TRPM2: variants seen among roughly 807,000 people sequenced by gnomAD.
TRPM2 encodes estrogen-responsive element-associated gene 1 protein.
A neutral mutation model predicts 174.0 loss-of-function variants in TRPM2; 161 were observed. The ratio of observed to expected loss-of-function variants is 0.93; its 90% CI spans 0.81 to 1.05. TRPM2 has a LOEUF of 1.05. Among genes scored for constraint, TRPM2 ranks in the 50% least tolerant of loss-of-function variants. The probability of loss-of-function intolerance (pLI) is 0.00; values close to 1 mark genes in which losing one functional copy is unlikely to be tolerated. For synonymous variants in TRPM2, 954 were observed against 861.3 expected (o/e 1.11, Z -1.88); for missense variants, 2,057 against 2,038.0 (o/e 1.01, Z -0.18).
upstream of TRPM2, among the ~76,000 whole-genome samples, chr21:44,351,920 G>A (rs2122998580): frequency 5.3e-5 from 8 of 152,336 alleles, no homozygotes; most frequent in African/African-American, 1.9e-4. Flanking sequence ...ATGAGCGTGT[G>A]AACAGAACAT....
intron 16 of TRPM2, among the ~76,000 whole-genome samples, chr21:44,404,398 CACAT>C (rs747867584): frequency 4.5e-4 from 68 of 152,086 alleles, no homozygotes; most frequent in Non-Finnish European, 5.3e-4. Context: ...CATATGTGCA[CACAT>C]ACATATTCAC....
In TRPM2 at chr21:44,399,846, C is replaced by T. The variant is rs1019201338; in HGVS notation, c.2208+405C>T. ...GCCCTCAGCATCGCCCTGGAACCCC[C>T]GGCAGGGCCTGGCTCCCAGCGAGTG... On this transcript the variant is annotated intron_variant, in intron 14 of 31. Coordinates refer to ENST00000397928, the MANE Select transcript of TRPM2 (RefSeq NM_003307.4). This position sits in a 1 kb window ranked among gnomAD's most constrained non-coding sequence, Gnocchi z 4.6. 3.9e-5 allele frequency among the ~76,000 whole-genome samples: 6 copies of T among 152,178 alleles called. No individual in the cohort carries two copies. The highest frequency in any genetic ancestry group is 7.2e-5 in the African/African-American group (3 of 41,454).
intron 5 of TRPM2, among the ~76,000 whole-genome samples, chr21:44,373,576 A>G (rs2048605158): frequency 1.9e-5 from 2 of 106,614 alleles, no homozygotes; most frequent in South Asian, 5.9e-4. Context: ...TGCGACCTGC[A>G]TTATATGCGA....
rs2051373516 is a variant in TRPM2 at position 44,438,756 on chromosome 21, G to A, written c.4168-311G>A. Reference sequence around the variant, plus strand: ...ACGCGGGGGCAGGCGCCAGGGGAGCGGGAAGGGGGTGCCCTGTCACCCTTG... The same window carrying A: ...ACGCGGGGGCAGGCGCCAGGGGAGCAGGAAGGGGGTGCCCTGTCACCCTTG... On this transcript the variant is annotated intron_variant, in intron 29 of 31. Coordinates refer to ENST00000397928, the MANE Select transcript of TRPM2 (RefSeq NM_003307.4). This position sits in a 1 kb window ranked among gnomAD's most constrained non-coding sequence, Gnocchi z 5.9. 6.6e-6 allele frequency among the ~76,000 whole-genome samples: 1 copy of A among 152,142 alleles called. No individual in the cohort carries two copies.
intron 16 of TRPM2, among the ~76,000 whole-genome samples, chr21:44,403,808 CAT>C (rs1479522783): frequency 4.0e-5 from 6 of 151,146 alleles, no homozygotes; most frequent in East Asian, 1.9e-4. Flanking sequence ...CAGATAAACA[CAT>C]GTATACACAT....
At chr21:44,418,596 G>A (rs905204612) in intron 22 of TRPM2, 41 bp downstream of exon 22, 2 of 1,610,718 alleles carry the variant, frequency 1.2e-6, no homozygotes, top group African/African-American at 1.3e-5. Flanking sequence ...GAAGCCTCTG[G>A]GGGACCTCCT....
intron 19 of TRPM2, among the ~76,000 whole-genome samples, chr21:44,413,135 G>T (rs1287663410): frequency 6.6e-6 from 1 of 150,844 alleles, no homozygotes; most frequent in Non-Finnish European, 1.5e-5. Context: ...CGTTTCACTT[G>T]TCGATACATT....
In TRPM2 at chr21:44,391,283, G is replaced by A; in HGVS notation, c.1452G>A (p.Leu484=). The A allele has an allele frequency of 6.2e-7, 1 of 1,613,462 alleles. No individual in the cohort carries two copies. Among genetic ancestry groups the A allele is most frequent in the African/African-American group, 1.3e-5 (1 of 75,046 alleles). The change falls in exon 11 of 32, where the codon CTG becomes CTA. Residue 484 remains leucine, a synonymous_variant. Coordinates refer to ENST00000397928, the MANE Select transcript of TRPM2 (RefSeq NM_003307.4). This position sits in a 1 kb window ranked among gnomAD's most constrained non-coding sequence, Gnocchi z 5.0. ...MDEWQWKPSD[L]HPTMTAALIS... is the part of the protein sequence containing the mutation. ...ATGCTTGCTCTCAGCCTTCAGATCT[G>A]CACCCCACGATGACAGCTGCACTCA...
intron 9 of TRPM2, among the ~76,000 whole-genome samples, chr21:44,385,857 T>G (rs950810511): frequency 6.6e-6 from 1 of 152,114 alleles, no homozygotes; most frequent in African/African-American, 2.4e-5. Context: ...TCATGAGAAC[T>G]TACTACCATG....
rs2048007437 is a variant in TRPM2, at chr21:44,354,741, G to A, written c.254+5G>A. The A allele has an allele frequency of 1.2e-6, 2 of 1,614,022 alleles. No individual in the cohort carries two copies. Among genetic ancestry groups the A allele is most frequent in the Non-Finnish European group, 8.5e-7 (1 of 1,179,864 alleles). The stretch of plus-strand genomic sequence containing the variant: ...TTCCAAACTGTCTGATGCTGGGTAA[G>A]TGACGTGATTTGTGTGTAAGACCTC... On this transcript the variant is annotated splice_donor_5th_base_variant and intron_variant, in intron 2 of 31. Transcript: ENST00000397928. The surrounding 1 kb of genome is among the most constrained non-coding windows in gnomAD (Gnocchi z 4.3).
At chr21:44,400,234 A>T in intron 14 of TRPM2, 25 bp from the exon 15 acceptor site, 1 of 1,601,544 alleles carries the variant, frequency 6.2e-7, no homozygotes, top group Non-Finnish European at 8.5e-7. Flanking sequence ...GGGCACTGCC[A>T]TCCTGAGACT....
chr21:44,365,412 G>A (rs1445332989), intron 3 of TRPM2, among the ~76,000 whole-genome samples: 4 of 152,346 alleles, frequency 2.6e-5, no homozygotes, highest in East Asian at 1.9e-4. Context: ...TCCCGGAGAC[G>A]GGGTCATGTG....
At chr21:44,405,785 CAGA>C in intron 17 of TRPM2, 117 bp from the exon 18 acceptor site, 1 of 1,241,390 alleles carries the variant, frequency 8.1e-7, no homozygotes, top group Non-Finnish European at 1.1e-6. Context: ...CAGGGCCCAC[CAGA>C]GCCCTTTGCC....
At position 44,366,156 on chromosome 21, in the gene TRPM2, C is replaced by T. The variant is rs2048354900; in HGVS notation, c.424-598C>T. ...ACGGGGGGCCAGAGTGACGACAGAACCTGGGAGAGCCGTGTTCAGACGGGA... is the reference window on the plus strand; with the variant it reads ...ACGGGGGGCCAGAGTGACGACAGAATCTGGGAGAGCCGTGTTCAGACGGGA... On this transcript the variant is annotated intron_variant, in intron 3 of 31. Transcript: ENST00000397928. This position sits in a 1 kb window ranked among gnomAD's most constrained non-coding sequence, Gnocchi z 6.0. 6.6e-6 allele frequency among the ~76,000 whole-genome samples: 1 copy of T among 152,108 alleles called. No individual in the cohort carries two copies. Among genetic ancestry groups the T allele is most frequent in the South Asian group, 2.1e-4 (1 of 4,826 alleles).
intron 6 of TRPM2, among the ~76,000 whole-genome samples, chr21:44,377,387 G>A (rs1361712590): frequency 6.6e-6 from 1 of 152,216 alleles, no homozygotes; most frequent in African/African-American, 2.4e-5. Flanking sequence ...GCAGGCAGGG[G>A]TGGATGGGAA....
Position 44,391,482 on chromosome 21 carries a change from C to T in TRPM2, c.1651C>T (p.Pro551Ser), listed in dbSNP as rs746939773. The part of the protein sequence containing the change: ...VEDPERPACA[P>S]AAPRLQMHHV... ...GGATCCCGAGCGCCCGGCTTGCGCGCCCGCGGCGCCCCGCCTGCAGATGCA... is the reference window on the plus strand; with the variant it reads ...GGATCCCGAGCGCCCGGCTTGCGCGTCCGCGGCGCCCCGCCTGCAGATGCA... Residue 551 changes from proline to serine, a missense_variant, in exon 11 of 32, where the codon CCC becomes TCC. Pro to Ser is a moderately conservative substitution (Grantham distance 74). Transcript: ENST00000397928. The surrounding 1 kb of genome is among the most constrained non-coding windows in gnomAD (Gnocchi z 5.0). 1.3e-6 allele frequency: 2 copies of T among 1,587,888 alleles called. No homozygotes were observed. The highest frequency in any genetic ancestry group is 4.6e-5 in the East Asian group (2 of 43,028).
chr21:44,435,563 G>T (rs1406011073), intron 28 of TRPM2, among the ~76,000 whole-genome samples: 1 of 149,410 alleles, frequency 6.7e-6, no homozygotes, highest in African/African-American at 2.5e-5. Flanking sequence ...TCCCATCCAC[G>T]GGGACACAGC....
At chr21:44,360,439 T>A (rs143995685) in intron 2 of TRPM2, among the ~76,000 whole-genome samples, 1 of 152,184 alleles carries the variant, frequency 6.6e-6, no homozygotes, top group African/African-American at 2.4e-5. Context: ...TAATTACAGA[T>A]GTACAGAAGT....
In TRPM2 at chr21:44,424,940, G is replaced by A. The variant is rs868818312; in HGVS notation, c.3637+1G>A. 6.3e-7 allele frequency: 1 copy of A among 1,597,716 alleles called. No homozygotes were observed. The highest frequency in any genetic ancestry group is 8.5e-7 in the Non-Finnish European group (1 of 1,174,312). ...TCGGAGGCGGACGTCCCCACTCTGG[G>A]TGAGTGGGTGGCCAGGCCAGCAGCT... On this transcript the variant is annotated splice_donor_variant, in intron 24 of 31. Coordinates refer to ENST00000397928, the MANE Select transcript of TRPM2 (RefSeq NM_003307.4). LOFTEE classifies it high-confidence loss of function.
Sources: allele counts gnomAD v4.1 joint callset (sites outside exome capture counted in the v4.1 genomes callset), GRCh38; gene constraint gnomAD v4.1.1; non-coding constraint Gnocchi (gnomAD v3.1); transcripts MANE v1.5; gene names NCBI Gene and HGNC (gene_info 2026-07-23, HGNC 2026-07-21).